TMEM132D: variants seen among roughly 807,000 people sequenced by gnomAD.
TMEM132D encodes the protein transmembrane protein 132D, also known as mature OL transmembrane protein.
In TMEM132D, 21 loss-of-function variants were observed where a neutral mutation model predicts 62.3. That is an observed-to-expected ratio of 0.34 (90% CI 0.24 to 0.49). The LOEUF is 0.49. TMEM132D is among the 20% of genes least tolerant of loss of function. TMEM132D has a pLI of 0.99. For synonymous variants in TMEM132D, 621 were observed against 575.6 expected (o/e 1.08, Z -1.13); for missense variants, 1,346 against 1,402.8 (o/e 0.96, Z 0.65).
chr12:129,247,721 T>C (rs1880158208), intron 4 of TMEM132D, among the ~76,000 whole-genome samples: 1 of 152,194 alleles, frequency 6.6e-6, no homozygotes, highest in Non-Finnish European at 1.5e-5. Context: ...GTAATGTTAA[T>C]AGGGGGGTGC....
chr12:129,312,329 A>G (rs1566029825), intron 4 of TMEM132D, among the ~76,000 whole-genome samples: 2 of 152,124 alleles, frequency 1.3e-5, no homozygotes, highest in East Asian at 3.9e-4. Context: ...CCTTAGGGGG[A>G]AAAACACTTA....
chr12:129,887,891 A>G (rs1874794994), intron 1 of TMEM132D, among the ~76,000 whole-genome samples: 1 of 152,200 alleles, frequency 6.6e-6, no homozygotes, highest in African/African-American at 2.4e-5. Flanking sequence ...AAAACTCCTT[A>G]TTGGAATCAG....
intron 2 of TMEM132D, among the ~76,000 whole-genome samples, chr12:129,558,759 A>G (rs1042660376): frequency 1.1e-4 from 17 of 152,328 alleles, no homozygotes; most frequent in African/African-American, 4.1e-4. Flanking sequence ...AGACGGGTCC[A>G]TGGACTGGAG....
At chr12:129,294,328 C>G (rs971470891) in intron 4 of TMEM132D, among the ~76,000 whole-genome samples, 1 of 152,078 alleles carries the variant, frequency 6.6e-6, no homozygotes, top group African/African-American at 2.4e-5. Flanking sequence ...TGAAACAATG[C>G]AATGAAGCTT....
intron 2 of TMEM132D, among the ~76,000 whole-genome samples, chr12:129,638,231 T>C (rs1201901092): frequency 6.6e-6 from 1 of 152,152 alleles, no homozygotes; most frequent in South Asian, 2.1e-4. Flanking sequence ...GTCTGTTTGG[T>C]CTGTTAGCAT....
chr12:129,244,588 A>G (rs1426257400), intron 4 of TMEM132D, among the ~76,000 whole-genome samples: 1 of 151,834 alleles, frequency 6.6e-6, no homozygotes, highest in Non-Finnish European at 1.5e-5. Flanking sequence ...CATCCGACTA[A>G]GTGGTGGTGT....
intron 2 of TMEM132D, among the ~76,000 whole-genome samples, chr12:129,548,581 C>T (rs1251654639): frequency 6.6e-6 from 1 of 152,170 alleles, no homozygotes; most frequent in Non-Finnish European, 1.5e-5. Context: ...TGTTCTTTTT[C>T]TCTTCAACTT....
intron 1 of TMEM132D, among the ~76,000 whole-genome samples, chr12:129,773,694 G>A (rs1188680716): frequency 1.3e-5 from 2 of 152,118 alleles, no homozygotes; most frequent in Non-Finnish European, 2.9e-5. Context: ...CACCCTAAAT[G>A]TCTATGAATG....
In TMEM132D at chr12:129,580,567, G is replaced by A. The variant is rs553529127; in HGVS notation, c.969-49362C>T. Among the ~76,000 whole-genome samples the A allele has an allele frequency of 5.3e-5, 8 of 152,210 alleles. No individual in the cohort carries two copies. In the East Asian group the frequency reaches 1.6e-3, roughly 30 times the overall value. On this transcript the variant is annotated intron_variant, in intron 2 of 8. Coordinates refer to ENST00000422113, the MANE Select transcript of TMEM132D (RefSeq NM_133448.3). The stretch of plus-strand genomic sequence containing the variant: ...TTAAAAATCACAATTAGCTGGGCGT[G>A]GTGGCATGCACCTGTAGACCCAGCT...
intron 4 of TMEM132D, among the ~76,000 whole-genome samples, chr12:129,287,417 C>T (rs542914687): frequency 6.6e-6 from 1 of 152,240 alleles, no homozygotes; most frequent in East Asian, 1.9e-4. Flanking sequence ...CAAGAATCAT[C>T]AATAGATGCT....
At chr12:129,195,543 G>A (rs912421926) in intron 5 of TMEM132D, among the ~76,000 whole-genome samples, 4 of 152,106 alleles carry the variant, frequency 2.6e-5, no homozygotes, top group African/African-American at 7.2e-5. Flanking sequence ...ACAAGGAGAA[G>A]CTCATAGGAA....
At chr12:129,250,436 G>A (rs1880234339) in intron 4 of TMEM132D, among the ~76,000 whole-genome samples, 2 of 152,008 alleles carry the variant, frequency 1.3e-5, no homozygotes, top group South Asian at 2.1e-4. Context: ...TTTATTATTC[G>A]TGTAAATTGC....
rs375736314 is a variant in TMEM132D, at chr12:129,700,349, G to A, written c.429C>T (p.Pro143=). The change falls in exon 2 of 9, where the codon CCC becomes CCT. Residue 143 remains proline (P), a synonymous_variant. Transcript: ENST00000422113. ...TGATGTGGAACAGAACCTGCACTTT[G>A]GGCCGGCTCAGGTAGACTTTGTCCC... ...ILRDKVYLSR[P]KVQVLFHIMG... The A allele has an allele frequency of 6.2e-7, 1 of 1,614,086 alleles. No homozygotes were observed. Among genetic ancestry groups the A allele is most frequent in the African/African-American group, 1.3e-5 (1 of 75,042 alleles).
intron 4 of TMEM132D, among the ~76,000 whole-genome samples, chr12:129,311,067 G>A (rs1242142771): frequency 9.4e-6 from 1 of 106,382 alleles, no homozygotes; most frequent in African/African-American, 4.4e-5. Context: ...GCGTGGTAGC[G>A]GGCGCCTGTA....
At chr12:129,648,917 C>T (rs1471294460) in intron 2 of TMEM132D, among the ~76,000 whole-genome samples, 8 of 152,002 alleles carry the variant, frequency 5.3e-5, no homozygotes, top group East Asian at 1.9e-4. Context: ...CTGTAGAATG[C>T]GGGCCAAACT....
intron 6 of TMEM132D, among the ~76,000 whole-genome samples, chr12:129,083,696 G>T (rs1476268650): frequency 6.6e-6 from 1 of 152,210 alleles, no homozygotes; most frequent in Non-Finnish European, 1.5e-5. Context: ...TGAGTACACA[G>T]ATTCCAGGAA....
At chr12:129,251,990 A>T (rs1469088081) in intron 4 of TMEM132D, among the ~76,000 whole-genome samples, 1 of 152,164 alleles carries the variant, frequency 6.6e-6, no homozygotes, top group Non-Finnish European at 1.5e-5. Flanking sequence ...CTATACTTTT[A>T]TGAAAAATAA....
chr12:129,601,536 T>G lies in TMEM132D; in HGVS notation c.969-70331A>C, dbSNP rs2137143013. On this transcript the variant is annotated intron_variant, in intron 2 of 8. Transcript: ENST00000422113. ...AACATGCCTTCCTCACTAAGCTTAA[T>G]CATTTCTAGCTTCTGATTTAAAATG... Among the ~76,000 whole-genome samples the G allele has an allele frequency of 3.3e-5, 5 of 152,358 alleles. No homozygotes were observed. The Middle Eastern group carries it at 0.01, about 311-fold the overall frequency.
intron 5 of TMEM132D, among the ~76,000 whole-genome samples, chr12:129,145,094 A>G (rs964008868): frequency 1.3e-5 from 2 of 152,334 alleles, no homozygotes; most frequent in East Asian, 3.9e-4. Flanking sequence ...TTATGTATTC[A>G]TAGACTAAGA....
Sources: gnomAD v4.1 joint callset for allele counts (sites outside exome capture counted in the v4.1 genomes callset) on GRCh38, gnomAD v4.1.1 for gene constraint, MANE v1.5 for transcripts, NCBI Gene and HGNC (gene_info 2026-07-23, HGNC 2026-07-21) for gene names.